Variants in C12orf42 observed in about 807,000 individuals in gnomAD.
C12orf42 encodes the protein chromosome 12 open reading frame 42, also known as uncharacterized protein C12orf42.
C12orf42 carries 25 observed loss-of-function variants against 21.6 expected under a neutral mutation model. The ratio of observed to expected loss-of-function variants is 1.16; its 90% CI spans 0.84 to 1.62. The LOEUF is 1.62. Among genes scored for constraint, C12orf42 ranks in the 40% most tolerant of loss-of-function variants. C12orf42 has a pLI of 0.00. For synonymous variants in C12orf42, 174 were observed against 175.0 expected, an observed-to-expected ratio of 0.99 and a Z score of 0.05; for missense variants, 483 against 459.3, an observed-to-expected ratio of 1.05 and a Z score of -0.47.
At chr12:103,389,463 A>G (rs1315262776) in intron 3 of C12orf42, among the ~76,000 whole-genome samples, 1 of 152,210 alleles carries the variant, frequency 6.6e-6, no homozygotes, top group Non-Finnish European at 1.5e-5. Flanking sequence ...GTCAAATTTC[A>G]GGTGAATTGC....
intron 2 of C12orf42, among the ~76,000 whole-genome samples, chr12:103,434,585 C>T (rs1315967989): frequency 3.2e-4 from 49 of 152,280 alleles, no homozygotes; most frequent in African/African-American, 1.1e-3. Context: ...ATTGCCTCAC[C>T]TGGGAAGCAC....
intron 3 of C12orf42, chr12:103,378,932 G>A (rs533219751): frequency 1.3e-5 from 2 of 152,238 alleles, no homozygotes; most frequent in South Asian, 4.1e-4. Flanking sequence ...AAAAGATAAT[G>A]TTTGCAAATG....
intron 4 of C12orf42, among the ~76,000 whole-genome samples, chr12:103,334,432 C>T (rs1392380186): frequency 6.6e-6 from 1 of 152,104 alleles, no homozygotes; most frequent in African/African-American, 2.4e-5. Flanking sequence ...CAGACCCTAC[C>T]CAAAACCAAG....
chr12:103,526,078 T>C, the C12orf42 span, among the ~76,000 whole-genome samples: 3 of 152,216 alleles, frequency 2.0e-5, no homozygotes, highest in African/African-American at 7.2e-5. Context: ...CTTTTAAGCA[T>C]CTCTGCTAGT....
chr12:103,048,602 A>C, the C12orf42 span, among the ~76,000 whole-genome samples: 1 of 152,146 alleles, frequency 6.6e-6, no homozygotes, highest in East Asian at 1.9e-4. Flanking sequence ...GAATGGGGAT[A>C]ATAATAACAA....
the C12orf42 span, among the ~76,000 whole-genome samples, chr12:103,087,158 G>C: frequency 2.0e-5 from 3 of 152,144 alleles, no homozygotes; most frequent in South Asian, 6.2e-4. Flanking sequence ...GATATGTAAT[G>C]CTGGAGTTTG....
chr12:103,256,085 A>AATATATATATAT (rs1565998064), intron 10 of C12orf42, among the ~76,000 whole-genome samples: 20 of 58,924 alleles, frequency 3.4e-4, no homozygotes, highest in African/African-American at 5.3e-4. Context: ...AAAAAAAAAA[A>AATATATATATAT]ATATATATAT....
chr12:103,324,607 C>A (rs1021649032), intron 4 of C12orf42, among the ~76,000 whole-genome samples: 3 of 152,078 alleles, frequency 2.0e-5, no homozygotes, highest in African/African-American at 4.8e-5. Context: ...ATATTTTATG[C>A]GATTCCATAT....
chr12:103,085,491 A>G, the C12orf42 span, among the ~76,000 whole-genome samples: 9 of 152,148 alleles, frequency 5.9e-5, no homozygotes, highest in Non-Finnish European at 1.5e-5. Flanking sequence ...AGAATGCACA[A>G]TTCTTTTGAG....
the C12orf42 span, among the ~76,000 whole-genome samples, chr12:103,536,104 A>G: frequency 6.6e-6 from 1 of 152,274 alleles, no homozygotes; most frequent in South Asian, 2.1e-4. Flanking sequence ...TGTAAGAATG[A>G]ATTGATTGAT....
the C12orf42 span, among the ~76,000 whole-genome samples, chr12:103,106,945 G>C: frequency 6.6e-6 from 1 of 151,848 alleles, no homozygotes; most frequent in Non-Finnish European, 1.5e-5. Context: ...AAGGAAAAGT[G>C]TATACCAGAA....
chr12:103,558,741 G>A, the C12orf42 span: 1 of 152,200 alleles, frequency 6.6e-6, no homozygotes, highest in Non-Finnish European at 1.5e-5. Context: ...ACAGGTGCGG[G>A]AGGTACACAG....
chr12:103,537,286 G>C, the C12orf42 span, among the ~76,000 whole-genome samples: 1 of 151,988 alleles, frequency 6.6e-6, no homozygotes. Context: ...TCCATTGTCT[G>C]GGGTAGTTAT....
At chr12:103,130,634 G>A in the C12orf42 span, among the ~76,000 whole-genome samples, 12 of 152,108 alleles carry the variant, frequency 7.9e-5, no homozygotes, top group Non-Finnish European at 1.5e-4. Flanking sequence ...GAAGGAAGCA[G>A]GGTTTGGCAA....
chr12:103,335,098 G>A (rs572957288), intron 4 of C12orf42, among the ~76,000 whole-genome samples: 43 of 152,314 alleles, frequency 2.8e-4, no homozygotes, highest in African/African-American at 1.0e-3. Flanking sequence ...GAGATGCCCA[G>A]TTTTAACAGC....
chr12:103,539,920 G>T, the C12orf42 span, among the ~76,000 whole-genome samples: 1 of 152,102 alleles, frequency 6.6e-6, no homozygotes, highest in East Asian at 1.9e-4. Context: ...TAATAAAAAG[G>T]TGACATGCTA....
At chr12:103,300,310 T>C (rs1298613200), downstream of C12orf42, among the ~76,000 whole-genome samples, 1 of 152,212 alleles carries the variant, frequency 6.6e-6, no homozygotes, top group East Asian at 1.9e-4. Context: ...CTAATGTTAC[T>C]ATGACTCTCT....
chr12:103,213,879 T>C, the C12orf42 span, among the ~76,000 whole-genome samples: 1 of 152,202 alleles, frequency 6.6e-6, no homozygotes, highest in South Asian at 2.1e-4. Flanking sequence ...GGGTTTTCAA[T>C]AGGACAGAAT....
chr12:103,516,166 T>C, the C12orf42 span, among the ~76,000 whole-genome samples: 1 of 152,220 alleles, frequency 6.6e-6, no homozygotes, highest in East Asian at 1.9e-4. Context: ...CTAAAGGACA[T>C]AATATAATCA....
Sources: gnomAD v4.1 joint callset for allele counts (sites outside exome capture counted in the v4.1 genomes callset) on GRCh38, gnomAD v4.1.1 for gene constraint, MANE v1.5 for transcripts, NCBI Gene and HGNC (gene_info 2026-07-23, HGNC 2026-07-21) for gene names.